Variants in LRTM3 observed in about 807,000 individuals in gnomAD.
LRTM3 encodes leucine-rich repeat transmembrane protein 3.
chr13:102,749,223 G>A, the LRTM3 span: 3 of 1,550,442 alleles, frequency 1.9e-6, no homozygotes, highest in South Asian at 1.2e-5. Context: ...TTTAGAGATG[G>A]AACATTAAGA....
the LRTM3 span, chr13:102,743,615 G>C: frequency 6.5e-7 from 1 of 1,548,140 alleles, no homozygotes; most frequent in South Asian, 1.2e-5. Context: ...GAAATCTAAA[G>C]GACCCAGGAA....
At chr13:102,736,162 C>A in the LRTM3 span, 5 of 1,545,822 alleles carry the variant, frequency 3.2e-6, no homozygotes, top group African/African-American at 1.4e-5. Context: ...ATATAGGAAG[C>A]TTTGGTTGTG....
At chr13:102,730,567 C>T in the LRTM3 span, 22 of 1,551,724 alleles carry the variant, frequency 1.4e-5, no homozygotes, top group Non-Finnish European at 1.8e-5. Context: ...TATCTTTCTT[C>T]CTCGGGCTGT....
chr13:102,732,732 T>G, the LRTM3 span: 1 of 1,551,340 alleles, frequency 6.4e-7, no homozygotes, highest in Non-Finnish European at 8.7e-7. Context: ...TTGGCAGTCC[T>G]GGCCTTGTGC....
the LRTM3 span, chr13:102,738,015 T>G: frequency 6.4e-7 from 1 of 1,550,710 alleles, no homozygotes; most frequent in Non-Finnish European, 8.7e-7. Context: ...TTGTCTTCTC[T>G]ATCAACCTTT....
the LRTM3 span, chr13:102,746,649 T>G: frequency 6.4e-7 from 1 of 1,551,140 alleles, no homozygotes; most frequent in Non-Finnish European, 8.7e-7. Flanking sequence ...ACTCTCTTTT[T>G]CATCACTTTA....
At chr13:102,752,439 G>T in the LRTM3 span, among the ~76,000 whole-genome samples, 2 of 152,082 alleles carry the variant, frequency 1.3e-5, no homozygotes, top group African/African-American at 4.8e-5. Flanking sequence ...TGTCAGAATG[G>T]CTACCCTGCA....
chr13:102,740,409 C>T, the LRTM3 span: 2 of 1,550,176 alleles, frequency 1.3e-6, no homozygotes, highest in South Asian at 1.2e-5. Context: ...AAATTACCTC[C>T]TTCTGATAAT....
chr13:102,734,689 T>A, the LRTM3 span: 1 of 1,551,198 alleles, frequency 6.4e-7, no homozygotes, highest in Non-Finnish European at 8.7e-7. Context: ...TGTGTGATAT[T>A]CTCCGCAAAA....
chr13:102,733,036 G>GT, the LRTM3 span: 7 of 1,551,328 alleles, frequency 4.5e-6, no homozygotes, highest in African/African-American at 8.2e-5. Context: ...TCATATCCAT[G>GT]TGTATTCCTG....
the LRTM3 span, chr13:102,746,678 G>A: frequency 9.7e-6 from 15 of 1,551,034 alleles, no homozygotes; most frequent in Non-Finnish European, 1.3e-5. Context: ...TAAAACAGGA[G>A]TGCAATAATT....
chr13:102,750,201 G>C, the LRTM3 span: 5 of 1,551,290 alleles, frequency 3.2e-6, no homozygotes, highest in Non-Finnish European at 1.7e-6. Flanking sequence ...TAAAACAATG[G>C]CAAAGATGAG....
the LRTM3 span, chr13:102,747,664 C>A: frequency 1.3e-6 from 2 of 1,551,040 alleles, no homozygotes; most frequent in African/African-American, 1.4e-5. Flanking sequence ...CACCAACTGG[C>A]AAGTTCTCTG....
the LRTM3 span, chr13:102,739,969 C>T: frequency 1.5e-5 from 24 of 1,550,274 alleles, no homozygotes; most frequent in Middle Eastern, 1.7e-4. Context: ...TCTTCCATTT[C>T]GAAGTTCTCC....
chr13:102,744,152 T>G, the LRTM3 span: 1 of 1,550,740 alleles, frequency 6.4e-7, no homozygotes, highest in Non-Finnish European at 8.7e-7. Flanking sequence ...TTGCTTTTTC[T>G]TTCTGTGGTT....
chr13:102,749,324 T>C, the LRTM3 span: 2 of 1,551,204 alleles, frequency 1.3e-6, no homozygotes, highest in African/African-American at 2.7e-5. Context: ...TACAGAATCC[T>C]GGTTCAATTC....
chr13:102,749,733 T>C, the LRTM3 span: 1 of 1,551,418 alleles, frequency 6.4e-7, no homozygotes, highest in Non-Finnish European at 8.7e-7. Flanking sequence ...TTATGATTTA[T>C]ATATTGGGCT....
At chr13:102,755,961 A>ACATATAT in the LRTM3 span, among the ~76,000 whole-genome samples, 1 of 53,382 alleles carries the variant, frequency 1.9e-5, no homozygotes, top group East Asian at 4.3e-4. Context: ...ATATATATAT[A>ACATATAT]TTTTTTTTTT....
At chr13:102,730,022 C>G in the LRTM3 span, 1 of 1,551,590 alleles carries the variant, frequency 6.4e-7, no homozygotes, top group Non-Finnish European at 8.7e-7. Context: ...ACTAGATGAC[C>G]TAGACTGAAT....
Sources: gnomAD v4.1 joint callset for allele counts (sites outside exome capture counted in the v4.1 genomes callset) on GRCh38, gnomAD v4.1.1 for gene constraint, MANE v1.5 for transcripts, NCBI Gene and HGNC (gene_info 2026-07-23, HGNC 2026-07-21) for gene names.